The following RBFOX3 variants were observed in gnomAD, a reference collection of about 807,000 sequenced individuals.
RBFOX3 encodes the protein RNA binding fox-1 homolog 3, also known as RNA binding protein fox-1 homolog 3.
Under a neutral mutation model 48.7 loss-of-function variants are expected in RBFOX3, and 17 were observed. The ratio of observed to expected loss-of-function variants is 0.35; its 90% CI spans 0.24 to 0.52. RBFOX3 has a LOEUF of 0.52. Among genes scored for constraint, RBFOX3 ranks in the 20% least tolerant of loss-of-function variants. The pLI, the probability that RBFOX3 is intolerant of heterozygous loss-of-function variation, is 0.94. For missense variants in RBFOX3, 382 were observed against 497.5 expected (o/e 0.77, Z 2.21); for synonymous variants, 212 against 209.5 (o/e 1.01, Z -0.10).
chr17:79,493,137 A>T (rs1309715470), intron 1 of RBFOX3, among the ~76,000 whole-genome samples: 11 of 151,908 alleles, frequency 7.2e-5, no homozygotes, highest in Admixed American at 1.3e-4. Context: ...AAGAGGGAGG[A>T]GGCGTATCAC....
At chr17:79,208,549 G>C (rs966364096) in intron 4 of RBFOX3, 1 of 152,386 alleles carries the variant, frequency 6.6e-6, no homozygotes, top group African/African-American at 2.4e-5. Flanking sequence ...ACGGTCAGCT[G>C]TTCATCTTCT....
At chr17:79,435,141 G>A (rs1280949863) in intron 2 of RBFOX3, among the ~76,000 whole-genome samples, 3 of 152,198 alleles carry the variant, frequency 2.0e-5, no homozygotes, top group Non-Finnish European at 2.9e-5. Flanking sequence ...TGGTGCCAGC[G>A]TGTCTGCCCC....
intron 4 of RBFOX3, among the ~76,000 whole-genome samples, chr17:79,228,465 C>A (rs566897499): frequency 3.9e-5 from 6 of 152,330 alleles, no homozygotes; most frequent in African/African-American, 1.2e-4. Flanking sequence ...CAAACACACA[C>A]ACACTCACAG....
At chr17:79,251,311 A>G (rs2063919625) in intron 3 of RBFOX3, among the ~76,000 whole-genome samples, 2 of 152,034 alleles carry the variant, frequency 1.3e-5, no homozygotes, top group South Asian at 4.2e-4. Context: ...ACGTCACTCA[A>G]CGTGTGGGAC....
intron 1 of RBFOX3, among the ~76,000 whole-genome samples, chr17:79,531,723 G>A (rs979018683): frequency 6.6e-6 from 1 of 152,172 alleles, no homozygotes; most frequent in African/African-American, 2.4e-5. Context: ...AACGCACCCA[G>A]TTTCCCCAGA....
chr17:79,339,292 G>A (rs558897689), intron 2 of RBFOX3, among the ~76,000 whole-genome samples: 1 of 152,176 alleles, frequency 6.6e-6, no homozygotes, highest in South Asian at 2.1e-4. Context: ...CTGAGCTCGA[G>A]TGATCCTCTT....
At chr17:79,398,979 G>T (rs2062418066) in intron 2 of RBFOX3, among the ~76,000 whole-genome samples, 1 of 152,200 alleles carries the variant, frequency 6.6e-6, no homozygotes, top group African/African-American at 2.4e-5. Flanking sequence ...ACCATGACTG[G>T]TGTCCTTGTA....
At chr17:79,095,619 G>A in intron 12 of RBFOX3, 45 bp from the exon 13 acceptor site, 2 of 1,516,746 alleles carry the variant, frequency 1.3e-6, no homozygotes, top group South Asian at 2.4e-5. Flanking sequence ...ACTTAGTGGG[G>A]CTCCCCAGGG....
chr17:79,432,509 C>A (rs782561424), intron 2 of RBFOX3, among the ~76,000 whole-genome samples: 1 of 152,160 alleles, frequency 6.6e-6, no homozygotes, highest in East Asian at 1.9e-4. Context: ...CCAAGGGTCG[C>A]GAGCAGCCTT....
At chr17:79,296,855 T>C (rs111073943) in intron 3 of RBFOX3, among the ~76,000 whole-genome samples, 45,686 of 92,212 alleles carry the variant, frequency 0.5, 11,069 homozygotes, top group Middle Eastern at 0.62. Flanking sequence ...CCCCTCCTCC[T>C]GCTTCTCCTC....
chr17:79,604,898 G>A (rs1251507059), intron 1 of RBFOX3, among the ~76,000 whole-genome samples: 1 of 152,172 alleles, frequency 6.6e-6, no homozygotes, highest in East Asian at 1.9e-4. Flanking sequence ...CATGAGCCTG[G>A]CCCAGGAATC....
chr17:79,187,365 T>C (rs2053622510), intron 4 of RBFOX3, among the ~76,000 whole-genome samples: 1 of 152,208 alleles, frequency 6.6e-6, no homozygotes, highest in Non-Finnish European at 1.5e-5. Context: ...GTGAGGACAG[T>C]GTGCAGCTTG....
intron 3 of RBFOX3, among the ~76,000 whole-genome samples, chr17:79,301,528 C>T (rs2075313461): frequency 6.6e-6 from 1 of 152,246 alleles, no homozygotes; most frequent in Non-Finnish European, 1.5e-5. Context: ...CATCCACAGG[C>T]CAGTCTCACA....
chr17:79,260,405 G>C (rs1473178776), intron 3 of RBFOX3, among the ~76,000 whole-genome samples: 4 of 152,210 alleles, frequency 2.6e-5, no homozygotes, highest in Non-Finnish European at 5.9e-5. Flanking sequence ...ATGGGGTCTT[G>C]TTCTTTCCCC....
intron 4 of RBFOX3, among the ~76,000 whole-genome samples, chr17:79,192,315 G>C (rs573889183): frequency 2.6e-5 from 4 of 152,134 alleles, no homozygotes; most frequent in East Asian, 3.9e-4. Context: ...CATCAGGATG[G>C]GGGGGAGCCG....
intron 4 of RBFOX3, among the ~76,000 whole-genome samples, chr17:79,201,210 G>A (rs1269940876): frequency 3.9e-5 from 6 of 152,264 alleles, no homozygotes; most frequent in East Asian, 3.9e-4. Flanking sequence ...GAGTCCGTCC[G>A]CCCACTGGGC....
At chr17:79,095,065 G>A (rs2146234898) in intron 13 of RBFOX3, among the ~76,000 whole-genome samples, 1 of 152,274 alleles carries the variant, frequency 6.6e-6, no homozygotes, top group Non-Finnish European at 1.5e-5. Context: ...ACACTTCAGG[G>A]AGATGGAGCC....
chr17:79,401,881 C>T (rs2062856723), intron 2 of RBFOX3, among the ~76,000 whole-genome samples: 1 of 152,236 alleles, frequency 6.6e-6, no homozygotes, highest in African/African-American at 2.4e-5. Context: ...TGGACTCTGG[C>T]CTCCTGAGCT....
Position 79,361,311 on chromosome 17 carries a change from G to A in RBFOX3, c.-174-53487C>T, listed in dbSNP as rs544201521. Among the ~76,000 whole-genome samples the A allele has an allele frequency of 2.6e-5, 4 of 152,300 alleles. No individual in the cohort carries two copies. In the East Asian group the frequency reaches 5.8e-4, roughly 22 times the overall value. ...GCGCCTTGATCCATTTGCCATCGGG[G>A]CTATCTGAGACGCTCATCGAGGTGC... On this transcript the variant is annotated intron_variant, in intron 2 of 14. Transcript: ENST00000693108. The surrounding 1 kb of genome is among the most constrained non-coding windows in gnomAD (Gnocchi z 4.5).
Sources: gnomAD v4.1 joint callset for allele counts (sites outside exome capture counted in the v4.1 genomes callset) on GRCh38, gnomAD v4.1.1 for gene constraint, Gnocchi (gnomAD v3.1) non-coding constraint, MANE v1.5 for transcripts, NCBI Gene and HGNC (gene_info 2026-07-23, HGNC 2026-07-21) for gene names.